The following TBCE variants were observed in gnomAD, a reference collection of about 807,000 sequenced individuals.
TBCE encodes the protein tubulin folding cofactor E.
In TBCE, 53 loss-of-function variants were observed where a neutral mutation model predicts 77.0. The observed-to-expected ratio is 0.69, with a 90% CI of 0.55 to 0.87. The LOEUF is 0.87. TBCE is among the 40% of genes least tolerant of loss of function. The probability of loss-of-function intolerance (pLI) is 0.00; values close to 1 mark genes in which losing one functional copy is unlikely to be tolerated. For missense variants in TBCE, 624 were observed against 622.4 expected, an observed-to-expected ratio of 1.00 and a Z score of -0.03; for synonymous variants, 235 against 241.3, an observed-to-expected ratio of 0.97 and a Z score of 0.24.
chr1:235,409,426 A>G (rs1324858207), intron 3 of TBCE, among the ~76,000 whole-genome samples: 2 of 152,114 alleles, frequency 1.3e-5, no homozygotes, highest in Admixed American at 6.6e-5. Context: ...GTCTATGTAA[A>G]TTATTACAGT....
At chr1:235,442,567 T>C (rs1314677554) in intron 14 of TBCE, among the ~76,000 whole-genome samples, 2 of 152,234 alleles carry the variant, frequency 1.3e-5, no homozygotes, top group East Asian at 3.8e-4. Flanking sequence ...GTGGGAGGTA[T>C]TGGAGTTGTG....
intron 4 of TBCE, among the ~76,000 whole-genome samples, chr1:235,417,226 T>C (rs948572028): frequency 6.6e-6 from 1 of 152,214 alleles, no homozygotes; most frequent in African/African-American, 2.4e-5. Flanking sequence ...TGAGTCCTCA[T>C]GCTTAGTGCC....
intron 2 of TBCE, among the ~76,000 whole-genome samples, chr1:235,386,845 G>A (rs1235188252): frequency 5.2e-4 from 79 of 152,156 alleles, no homozygotes; most frequent in African/African-American, 1.7e-3. Flanking sequence ...CTGGTGAGGA[G>A]CTGTGTTCCT....
chr1:235,383,177 C>T (rs1677785146), intron 2 of TBCE, among the ~76,000 whole-genome samples: 1 of 146,500 alleles, frequency 6.8e-6, no homozygotes, highest in African/African-American at 2.5e-5. Context: ...TGATCTATAT[C>T]TCTGTTTTGG....
chr1:235,378,072 A>G (rs1677405563), intron 1 of TBCE, among the ~76,000 whole-genome samples: 1 of 152,214 alleles, frequency 6.6e-6, no homozygotes, highest in African/African-American at 2.4e-5. Flanking sequence ...CTAACCCCAG[A>G]TGGCATGTAA....
chr1:235,436,487 A>C (rs903644774), intron 10 of TBCE, 37 bp downstream of exon 10: 3 of 1,610,162 alleles, frequency 1.9e-6, no homozygotes, highest in South Asian at 1.1e-5. Context: ...CTGCCCCCCC[A>C]CACTATACTT....
chr1:235,410,728 C>G (rs1679738473), intron 3 of TBCE, among the ~76,000 whole-genome samples: 1 of 152,150 alleles, frequency 6.6e-6, no homozygotes, highest in South Asian at 2.1e-4. Context: ...TACGAGAGAA[C>G]CCTTAATCCT....
intron 9 of TBCE, chr1:235,436,079 G>T (rs1681432540): frequency 3.3e-6 from 2 of 603,330 alleles, no homozygotes; most frequent in Admixed American, 5.9e-5. Flanking sequence ...TTTGACCCTG[G>T]TGATAATGCG....
At chr1:235,372,922 T>TAA (rs71174418) in intron 1 of TBCE, among the ~76,000 whole-genome samples, 222 of 75,948 alleles carry the variant, frequency 2.9e-3, no homozygotes, top group Non-Finnish European at 4.2e-3. Context: ...AGACTCCGTC[T>TAA]AAAAAAAAAA....
In TBCE at chr1:235,380,158, TTATTGTGTGTGTGTGTG is replaced by T. The variant is rs778119869; in HGVS notation, c.100+11_100+27del. The T allele has an allele frequency of 1.4e-5, 21 of 1,555,142 alleles. No individual in the cohort carries two copies. Among genetic ancestry groups the T allele is most frequent in the Admixed American group, 1.7e-5 (1 of 57,694 alleles). On this transcript the variant is annotated intron_variant, in intron 2 of 16. Coordinates refer to ENST00000642610, the MANE Select transcript of TBCE (RefSeq NM_003193.5). ...TGTCCCTCCCGTGGCAGGTAAGCAATTATTGTGTGTGTGTGTGTGTGTGTGTGTGTGTGTGTGTGTGT... is the reference window on the plus strand; with the variant it reads ...TGTCCCTCCCGTGGCAGGTAAGCAATTGTGTGTGTGTGTGTGTGTGTGTGT...
intron 7 of TBCE, among the ~76,000 whole-genome samples, chr1:235,432,015 G>C (rs1430168942): frequency 7.1e-6 from 1 of 141,424 alleles, no homozygotes; most frequent in Non-Finnish European, 1.5e-5. Flanking sequence ...ACAGAGTCTC[G>C]CTCTGTTGCC....
At chr1:235,372,001 C>T (rs1676996538) in intron 1 of TBCE, among the ~76,000 whole-genome samples, 1 of 148,844 alleles carries the variant, frequency 6.7e-6, no homozygotes, top group South Asian at 2.1e-4. Context: ...TTTTTTTGTA[C>T]AATAGGGTCT....
intron 3 of TBCE, among the ~76,000 whole-genome samples, chr1:235,407,480 T>C (rs1679516120): frequency 6.6e-6 from 1 of 152,194 alleles, no homozygotes; most frequent in African/African-American, 2.4e-5. Context: ...TAGCAAGCTC[T>C]GATTGGTGAG....
At chr1:235,437,613 A>G in intron 12 of TBCE, 139 bp downstream of exon 12, 1 of 1,001,178 alleles carries the variant, frequency 1.0e-6, no homozygotes, top group Non-Finnish European at 1.5e-6. Context: ...GGAGTTTGAG[A>G]CCAGCCTGGG....
intron 2 of TBCE, among the ~76,000 whole-genome samples, chr1:235,398,277 C>G (rs1246077561): frequency 2.0e-5 from 3 of 151,628 alleles, no homozygotes; most frequent in Non-Finnish European, 4.4e-5. Flanking sequence ...TCCCAACTAG[C>G]TGGGATTACA....
At chr1:235,382,308 G>T (rs1463602826) in intron 2 of TBCE, among the ~76,000 whole-genome samples, 1 of 151,298 alleles carries the variant, frequency 6.6e-6, no homozygotes, top group African/African-American at 2.4e-5. Context: ...AGCATGATTT[G>T]TAGTCCTTTG....
intron 3 of TBCE, among the ~76,000 whole-genome samples, chr1:235,402,174 CT>C (rs1329466170): frequency 6.6e-6 from 1 of 151,816 alleles, no homozygotes; most frequent in African/African-American, 2.4e-5. Context: ...AGCAATTCTC[CT>C]GCCTCAGCCT....
intron 2 of TBCE, among the ~76,000 whole-genome samples, chr1:235,381,564 G>T (rs1677642151): frequency 6.6e-6 from 1 of 151,396 alleles, no homozygotes; most frequent in Admixed American, 6.6e-5. Context: ...GGCACCTGTA[G>T]TTCCAGCTAC....
chr1:235,375,980 G>A (rs1297191368), intron 1 of TBCE, among the ~76,000 whole-genome samples: 1 of 152,128 alleles, frequency 6.6e-6, no homozygotes, highest in African/African-American at 2.4e-5. Context: ...CCCGGGCGGT[G>A]GAGGTTGCAG....
Sources: gnomAD v4.1 joint callset for allele counts (sites outside exome capture counted in the v4.1 genomes callset) on GRCh38, gnomAD v4.1.1 for gene constraint, MANE v1.5 for transcripts, NCBI Gene and HGNC (gene_info 2026-07-23, HGNC 2026-07-21) for gene names.